PEX11A: variants seen among roughly 807,000 people sequenced by gnomAD.
PEX11A encodes peroxisomal membrane protein 11A.
PEX11A carries 13 observed loss-of-function variants against 14.4 expected under a neutral mutation model. The ratio of observed to expected loss-of-function variants is 0.90; its 90% CI spans 0.59 to 1.43. The LOEUF (loss-of-function observed/expected upper bound fraction) is 1.43, where lower values mean the gene tolerates loss of function less well. PEX11A is among the 40% of genes most tolerant of loss of function. The probability of loss-of-function intolerance (pLI) is 0.00; values close to 1 mark genes in which losing one functional copy is unlikely to be tolerated. For synonymous variants in PEX11A, 101 were observed against 113.0 expected (o/e 0.89, Z 0.67); for missense variants, 290 against 302.8 (o/e 0.96, Z 0.31).
rs771812369 is a variant in PEX11A, at chr15:89,683,354, C to T, written c.*23G>A. 10 of 1,521,198 alleles carry T rather than the reference C, an allele frequency of 6.6e-6. No homozygotes were observed. The highest frequency in any genetic ancestry group is 1.4e-5 in the African/African-American group (1 of 72,682). 94.2% of individuals were successfully genotyped at this position (1,521,198 alleles called of 1,614,324 possible). On this transcript the variant is annotated 3_prime_UTR_variant, in exon 3 of 3. Coordinates refer to ENST00000300056, the MANE Select transcript of PEX11A (RefSeq NM_003847.3). The stretch of plus-strand genomic sequence containing the variant: ...AAGAGGCCATCTTTTAAAGTAGGTA[C>T]TAGTTCCAAGCCTAAAAACACCCTA...
rs1273052654 is a variant in PEX11A at position 89,687,367 on chromosome 15, C to T, written c.57-821G>A. ...TTTTTATAAACGAAAGGACCAAATA[C>T]ACATCAGTACATAAATTAGTATAAA... On this transcript the variant is annotated intron_variant, in intron 1 of 2. Transcript: ENST00000300056. Among the ~76,000 whole-genome samples, 4 of 152,310 alleles carry T rather than the reference C, an allele frequency of 2.6e-5. No individual in the cohort carries two copies. The East Asian group carries it at 7.7e-4, about 29-fold the overall frequency.
intron 1 of PEX11A, chr15:89,688,038 A>T (rs1418902697): frequency 3.7e-6 from 2 of 538,582 alleles, no homozygotes; most frequent in Non-Finnish European, 3.7e-6. Context: ...GGCTCAACAC[A>T]CTCAAGCTTT....
Position 89,681,659 on chromosome 15 carries a change from A to T in PEX11A, c.*1718T>A, listed in dbSNP as rs913769054. 1 of 549,448 alleles carries T rather than the reference A, an allele frequency of 1.8e-6. No homozygotes were observed. Among genetic ancestry groups the T allele is most frequent in the Non-Finnish European group, 3.2e-6 (1 of 308,242 alleles). 34.0% of individuals were successfully genotyped at this position (549,448 alleles called of 1,614,324 possible). A position where few individuals can be genotyped will look rare whatever the true frequency, so the allele number is the denominator to read the frequency against. On this transcript the variant is annotated 3_prime_UTR_variant, in exon 3 of 3. Coordinates refer to ENST00000300056, the MANE Select transcript of PEX11A (RefSeq NM_003847.3). ...GCTTTCATGTCTCTTAAAATTCCCT[A>T]AATTTTATTTCTCAAATCCCATATC...
chr15:89,683,637 G>C lies in PEX11A; in HGVS notation c.484C>G (p.Gln162Glu), dbSNP rs940535504. The change falls in exon 3 of 3, where the codon CAG becomes GAG. Residue 162 changes from glutamine (Q) to glutamate (E), a missense_variant. Physicochemically the swap from Gln to Glu is conservative, Grantham distance 29 (BLOSUM62 2). Coordinates refer to ENST00000300056, the MANE Select transcript of PEX11A (RefSeq NM_003847.3). The part of the protein sequence containing the change: ...DRAKKEKSAS[Q>E]DPLWFSVAEE... ...GCCACGCTGAACCAAAGAGGATCCT[G>C]GGATGCTGATTTCTCTTTCTTTGCC... The C allele has an allele frequency of 1.2e-6, 2 of 1,614,116 alleles. No individual in the cohort carries two copies. The highest frequency in any genetic ancestry group is 3.3e-5 in the Admixed American group (2 of 60,014).
At chr15:89,686,575 A>C in intron 1 of PEX11A, 29 bp from the exon 2 acceptor site, 1 of 964,884 alleles carries the variant, frequency 1.0e-6, no homozygotes. Flanking sequence ...AATTGAGAAG[A>C]ATGATTTACA....
At chr15:89,688,238 T>C in intron 1 of PEX11A, 1 of 530,256 alleles carries the variant, frequency 1.9e-6, no homozygotes, top group Non-Finnish European at 3.7e-6. Context: ...GTTTTAGGAA[T>C]GTTCACCGTG....
At chr15:89,687,047 C>T (rs973916313) in intron 1 of PEX11A, among the ~76,000 whole-genome samples, 2 of 152,072 alleles carry the variant, frequency 1.3e-5, no homozygotes, top group African/African-American at 4.8e-5. Context: ...TCTCAGCCTC[C>T]CGAGTAGCTG....
chr15:89,690,587 G>C lies in PEX11A; in HGVS notation c.46C>G (p.Arg16Gly). The C allele has an allele frequency of 1.3e-6, 2 of 1,551,296 alleles. No homozygotes were observed. Among genetic ancestry groups the C allele is most frequent in the Non-Finnish European group, 1.7e-6 (2 of 1,146,834 alleles). Reference sequence around the variant, plus strand: ...TGGCACCTGACTCACCTGAAGAGTCGGTCCCGGCCCTGGGTCTGGTTGGTG... The same window carrying C: ...TGGCACCTGACTCACCTGAAGAGTCCGTCCCGGCCCTGGGTCTGGTTGGTG... Reference protein sequence around the residue: ...RFTNQTQGRDRLFRATQYTCM... With the variant: ...RFTNQTQGRDGLFRATQYTCM... The change falls in exon 1 of 3, where the codon CGA becomes GGA. Residue 16 changes from arginine to glycine, a missense_variant. Arg to Gly is a moderately radical substitution (Grantham distance 125). Transcript: ENST00000300056.
At chr15:89,686,409 C>T in intron 2 of PEX11A, 22 bp downstream of exon 2, 1 of 1,024,506 alleles carries the variant, frequency 9.8e-7, no homozygotes, top group Non-Finnish European at 1.5e-6. Flanking sequence ...AGTCACTGTC[C>T]CTCAAGAAAC....
At chr15:89,686,589 C>T (rs770183885) in intron 1 of PEX11A, 43 bp from the exon 2 acceptor site, 1 of 866,228 alleles carries the variant, frequency 1.2e-6, no homozygotes, top group African/African-American at 1.7e-5. Context: ...ATTTACAAAC[C>T]AAATAAAACT....
intron 1 of PEX11A, among the ~76,000 whole-genome samples, chr15:89,687,340 A>G (rs1026756069): frequency 6.6e-6 from 1 of 152,226 alleles, no homozygotes; most frequent in Non-Finnish European, 1.5e-5. Flanking sequence ...AGATTGTTTA[A>G]TTTTTTATAA....
chr15:89,690,069 T>C (rs1964784664), intron 1 of PEX11A, among the ~76,000 whole-genome samples: 1 of 151,974 alleles, frequency 6.6e-6, no homozygotes, highest in South Asian at 2.1e-4. Flanking sequence ...GAGGCAGAGG[T>C]TGCAGTGGGC....
At chr15:89,684,134 C>T (rs1255205432) in intron 2 of PEX11A, among the ~76,000 whole-genome samples, 186 bp from the exon 3 acceptor site, 1 of 152,174 alleles carries the variant, frequency 6.6e-6, no homozygotes, top group African/African-American at 2.4e-5. Context: ...CTCCTGGGCT[C>T]AAGCAATCCT....
chr15:89,690,301 G>A (rs1023401237), intron 1 of PEX11A, among the ~76,000 whole-genome samples: 1 of 152,214 alleles, frequency 6.6e-6, no homozygotes, highest in Non-Finnish European at 1.5e-5. Flanking sequence ...TCTGTCAGCC[G>A]GTGTCCCGTC....
intron 1 of PEX11A, 61 bp downstream of exon 1, chr15:89,690,516 A>T (rs1360158137): frequency 1.6e-6 from 2 of 1,280,850 alleles, no homozygotes; most frequent in Non-Finnish European, 2.2e-6. Flanking sequence ...GGTGCAGGGG[A>T]ATAGGCACGG....
chr15:89,690,322 T>C (rs17816376), intron 1 of PEX11A, among the ~76,000 whole-genome samples: 27,131 of 152,186 alleles, frequency 0.18, 2,604 homozygotes, highest in Middle Eastern at 0.24. Context: ...GTCGGCGGTC[T>C]CGAGGCGGCT....
In PEX11A at chr15:89,683,788, G is replaced by T. The variant is rs372268829; in HGVS notation, c.333C>A (p.Thr111=). 5.6e-6 allele frequency: 9 copies of T among 1,614,166 alleles called. No individual in the cohort carries two copies. Among genetic ancestry groups the T allele is most frequent in the Non-Finnish European group, 7.6e-6 (9 of 1,180,010 alleles). The change falls in exon 3 of 3, where the codon ACC becomes ACA. Residue 111 remains threonine (T), a synonymous_variant. Transcript: ENST00000300056. ...TILWVRSVGL[T]SGINKEKWRT... ...GCCATTTCTCTTTGTTGATGCCAGA[G>T]GTGAGACCTACGCTCCTCACCCAGA...
chr15:89,686,436 C>A lies in PEX11A; in HGVS notation c.167G>T (p.Arg56Leu). The A allele has an allele frequency of 1.4e-6, 2 of 1,449,464 alleles. No individual in the cohort carries two copies. The highest frequency in any genetic ancestry group is 1.9e-6 in the Non-Finnish European group (2 of 1,030,728). The allele number at this position is 1,449,464 out of a possible 1,614,324, so 89.8% of individuals were successfully genotyped here. Residue 56 changes from arginine to leucine, a missense_variant, in exon 2 of 3, where the codon CGT becomes CTT. Physicochemically the swap from Arg to Leu is moderately radical, Grantham distance 102. Transcript: ENST00000300056. ...KKLESSVSTGRKWFRLGNVVH... is the reference protein window; with the variant it reads ...KKLESSVSTGLKWFRLGNVVH... ...TCAAGAAACAGGGTACTTACATTTA[C>A]GACCAGTGCTCACACTGGACTCCAG...
At chr15:89,690,519 A>G (rs1964812071) in intron 1 of PEX11A, 58 bp downstream of exon 1, 1 of 1,310,776 alleles carries the variant, frequency 7.6e-7, no homozygotes. Flanking sequence ...GCAGGGGAAT[A>G]GGCACGGGAG....
Sources: allele counts gnomAD v4.1 joint callset (sites outside exome capture counted in the v4.1 genomes callset), GRCh38; gene constraint gnomAD v4.1.1; transcripts MANE v1.5; gene names NCBI Gene and HGNC (gene_info 2026-07-23, HGNC 2026-07-21).